PPP3CA: variants seen among roughly 807,000 people sequenced by gnomAD.
The protein encoded by PPP3CA is protein phosphatase 3 catalytic subunit alpha.
PPP3CA carries 14 observed loss-of-function variants against 66.5 expected under a neutral mutation model. The ratio of observed to expected loss-of-function variants is 0.21; its 90% CI spans 0.14 to 0.33. PPP3CA has a LOEUF of 0.33. Ranked by LOEUF, PPP3CA falls within the 10% of genes least tolerant of loss-of-function variation. The pLI is 1.00. For synonymous variants in PPP3CA, 232 were observed against 226.2 expected, an observed-to-expected ratio of 1.03 and a Z score of -0.23; for missense variants, 317 against 639.5, an observed-to-expected ratio of 0.50 and a Z score of 5.44.
intron 3 of PPP3CA, among the ~76,000 whole-genome samples, chr4:101,105,504 TAATTAGAAAAAGTTTAGAAAA>T (rs1730625238): frequency 6.6e-6 from 1 of 151,260 alleles, no homozygotes; most frequent in African/African-American, 2.4e-5. Context: ...TAAAATGCTC[TAATTAGAAAAAGTTTAGAAAA>T]TTTCAGGTGG....
At chr4:101,274,591 G>C (rs1727432847) in intron 1 of PPP3CA, among the ~76,000 whole-genome samples, 1 of 152,076 alleles carries the variant, frequency 6.6e-6, no homozygotes, top group Non-Finnish European at 1.5e-5. Flanking sequence ...GATTCTTCCA[G>C]AGTTCACAAA....
At chr4:101,126,665 G>T (rs1022995954) in intron 2 of PPP3CA, among the ~76,000 whole-genome samples, 1 of 151,930 alleles carries the variant, frequency 6.6e-6, no homozygotes, top group Non-Finnish European at 1.5e-5. Context: ...AAAACCTGAC[G>T]AACTCATATT....
chr4:101,250,969 T>G (rs1434458985), intron 1 of PPP3CA, among the ~76,000 whole-genome samples: 5 of 152,170 alleles, frequency 3.3e-5, no homozygotes, highest in African/African-American at 9.6e-5. Flanking sequence ...AAAGAAAGGT[T>G]GTTCTTTATT....
chr4:101,178,345 A>G (rs1205207048), intron 2 of PPP3CA, among the ~76,000 whole-genome samples: 1 of 152,154 alleles, frequency 6.6e-6, no homozygotes, highest in African/African-American at 2.4e-5. Flanking sequence ...TGTCAGTAGC[A>G]TGATGAATAC....
chr4:101,164,282 T>G (rs984516835), intron 2 of PPP3CA, among the ~76,000 whole-genome samples: 1 of 152,168 alleles, frequency 6.6e-6, no homozygotes, highest in African/African-American at 2.4e-5. Context: ...TATCACCTTC[T>G]AACATCTTTT....
chr4:101,065,159 TA>T (rs1396160248), intron 8 of PPP3CA, among the ~76,000 whole-genome samples: 2 of 150,942 alleles, frequency 1.3e-5, no homozygotes, highest in Admixed American at 6.6e-5. Flanking sequence ...TACATGATGC[TA>T]AAAACATGCA....
At chr4:101,164,924 G>A (rs1327309413) in intron 2 of PPP3CA, among the ~76,000 whole-genome samples, 6 of 151,942 alleles carry the variant, frequency 3.9e-5, no homozygotes, top group Admixed American at 1.3e-4. Context: ...CATGTATATA[G>A]GCATATATAC....
chr4:101,119,779 C>T (rs867005703), intron 2 of PPP3CA, among the ~76,000 whole-genome samples: 1 of 151,940 alleles, frequency 6.6e-6, no homozygotes, highest in African/African-American at 2.4e-5. Flanking sequence ...AGGGTTTTGG[C>T]TAAAATTGAC....
At chr4:101,292,575 A>G (rs186886369) in intron 1 of PPP3CA, among the ~76,000 whole-genome samples, 2 of 152,318 alleles carry the variant, frequency 1.3e-5, no homozygotes, top group Admixed American at 1.3e-4. Flanking sequence ...ACTTTTAAAT[A>G]CTATATACAG....
At chr4:101,114,365 T>C (rs183388872) in intron 2 of PPP3CA, among the ~76,000 whole-genome samples, 39 of 152,266 alleles carry the variant, frequency 2.6e-4, no homozygotes, top group Non-Finnish European at 4.3e-4. Flanking sequence ...CAACCTGATA[T>C]GACACAAATA....
chr4:101,142,403 A>G (rs527631016), intron 2 of PPP3CA, among the ~76,000 whole-genome samples: 57 of 152,324 alleles, frequency 3.7e-4, no homozygotes, highest in African/African-American at 1.3e-3. Context: ...GAGAAAGAGG[A>G]AAGCTAAATA....
chr4:101,137,171 G>A (rs1174493005), intron 2 of PPP3CA, among the ~76,000 whole-genome samples: 2 of 152,112 alleles, frequency 1.3e-5, no homozygotes, highest in African/African-American at 4.8e-5. Context: ...TAAAAGAAGG[G>A]CTCAACAAGT....
intron 11 of PPP3CA, among the ~76,000 whole-genome samples, chr4:101,035,904 GCTTCT>G (rs1727222539): frequency 6.6e-6 from 1 of 152,040 alleles, no homozygotes; most frequent in Admixed American, 6.5e-5. Context: ...TTTTTCTCCT[GCTTCT>G]CCTTCTCCTT....
intron 1 of PPP3CA, among the ~76,000 whole-genome samples, chr4:101,314,765 A>G (rs1200762968): frequency 6.6e-6 from 1 of 152,054 alleles, no homozygotes; most frequent in African/African-American, 2.4e-5. Flanking sequence ...ATTTTTTTCA[A>G]TTGAACTAGA....
At chr4:101,113,220 G>A (rs1560608721) in intron 2 of PPP3CA, among the ~76,000 whole-genome samples, 1 of 152,106 alleles carries the variant, frequency 6.6e-6, no homozygotes. Context: ...ACCACTTGGA[G>A]AGGTTTTGAA....
chr4:101,117,447 T>TTTA (rs1721876620), intron 2 of PPP3CA, among the ~76,000 whole-genome samples: 21 of 151,958 alleles, frequency 1.4e-4, no homozygotes, highest in Admixed American at 1.4e-3. Flanking sequence ...CTGAGATTTT[T>TTTA]TTTTGCAGTT....
chr4:101,214,069 A>T (rs2659517), intron 1 of PPP3CA, among the ~76,000 whole-genome samples: 26,152 of 152,094 alleles, frequency 0.17, 3,316 homozygotes, highest in East Asian at 0.33. Flanking sequence ...CAAGATTATC[A>T]GTCATTTAAA....
chr4:101,322,056 A>G (rs1388762038), intron 1 of PPP3CA, among the ~76,000 whole-genome samples: 1 of 152,190 alleles, frequency 6.6e-6, no homozygotes, highest in African/African-American at 2.4e-5. Context: ...GCTCTTTTGA[A>G]CATATTTAGG....
intron 1 of PPP3CA, among the ~76,000 whole-genome samples, chr4:101,281,107 T>G (rs1017409924): frequency 6.6e-6 from 1 of 152,234 alleles, no homozygotes; most frequent in African/African-American, 2.4e-5. Flanking sequence ...TAAGTCAAAT[T>G]AGATGAGCCT....
Sources: allele counts gnomAD v4.1 joint callset (sites outside exome capture counted in the v4.1 genomes callset), GRCh38; gene constraint gnomAD v4.1.1; transcripts MANE v1.5; gene names NCBI Gene and HGNC (gene_info 2026-07-23, HGNC 2026-07-21).